Variants in ANO3 observed in about 807,000 individuals in gnomAD.
ANO3 encodes the protein anoctamin-3.
Under a neutral mutation model 144.8 loss-of-function variants are expected in ANO3, and 99 were observed. That is an observed-to-expected ratio of 0.68 (90% confidence interval 0.58 to 0.81). ANO3 has a LOEUF of 0.81. ANO3 is among the 30% of genes least tolerant of loss of function. The pLI, the probability that ANO3 is intolerant of heterozygous loss-of-function variation, is 0.00. For missense variants in ANO3, 905 were observed against 1,202.2 expected (o/e 0.75, Z 3.66); for synonymous variants, 414 against 392.6 (o/e 1.05, Z -0.64).
rs754759935 is a variant in ANO3, at chr11:26,534,582, A to G, written c.976+20A>G. 1.4e-5 allele frequency: 21 copies of G among 1,513,510 alleles called. No homozygotes were observed. The South Asian group carries it at 2.3e-4, about 16-fold the overall frequency. The allele number at this position is 1,513,510 out of a possible 1,614,324, so 93.8% of individuals were successfully genotyped here. A position where few individuals can be genotyped will look rare whatever the true frequency, so the allele number is the denominator to read the frequency against. On this transcript the variant is annotated intron_variant, in intron 9 of 26. Coordinates refer to ENST00000256737, the MANE Select transcript of ANO3 (RefSeq NM_031418.4). ...AAGTGGGTAAGAACATTAATTAATA[A>G]CAGAGTAGAACTTGCTGTTACTATT...
intron 14 of ANO3, among the ~76,000 whole-genome samples, chr11:26,576,508 T>C (rs979621819): frequency 2.0e-5 from 3 of 152,202 alleles, no homozygotes; most frequent in African/African-American, 7.2e-5. Context: ...ACATAGTAGT[T>C]ACTCAATGAA....
At position 26,402,259 on chromosome 11, in the gene ANO3, G is replaced by A. The variant is rs560566764; in HGVS notation, c.47-39659G>A. ...TGAACTAATTTATACTCCACCAACC[G>A]TCCATAAGCATTCCTTTTTCTCCAC... On this transcript the variant is annotated intron_variant, in intron 1 of 26. Transcript: ENST00000256737. 1.7e-4 allele frequency among the ~76,000 whole-genome samples: 26 copies of A among 152,036 alleles called. 1 individual carries two copies. In the South Asian group the frequency reaches 3.9e-3, roughly 23 times the overall value.
At chr11:26,235,985 G>A (rs961738754) in intron 1 of ANO3, among the ~76,000 whole-genome samples, 4 of 151,976 alleles carry the variant, frequency 2.6e-5, no homozygotes, top group African/African-American at 9.7e-5. Flanking sequence ...TTGCACAAAT[G>A]AGCAAAAATA....
intron 1 of ANO3, among the ~76,000 whole-genome samples, chr11:26,249,218 C>T (rs934157367): frequency 1.3e-5 from 2 of 152,052 alleles, no homozygotes; most frequent in East Asian, 1.9e-4. Flanking sequence ...AAACAAGACC[C>T]GCTTAATGTA....
chr11:26,297,582 T>C (rs1854122703), intron 1 of ANO3, among the ~76,000 whole-genome samples: 1 of 152,166 alleles, frequency 6.6e-6, no homozygotes, highest in East Asian at 1.9e-4. Flanking sequence ...TTCATTTTGT[T>C]CTCCCTTCAA....
At chr11:26,285,278 C>T (rs11824306) in intron 1 of ANO3, among the ~76,000 whole-genome samples, 9,101 of 152,080 alleles carry the variant, frequency 0.06, 496 homozygotes, top group African/African-American at 0.14. Flanking sequence ...TCATAATTTG[C>T]ATAATGGCAA....
intron 1 of ANO3, among the ~76,000 whole-genome samples, chr11:26,260,266 GAC>G (rs1312436827): frequency 5.9e-5 from 9 of 152,058 alleles, no homozygotes; most frequent in Non-Finnish European, 1.3e-4. Context: ...TTTCCCAACA[GAC>G]ACCAGAATGA....
intron 1 of ANO3, among the ~76,000 whole-genome samples, chr11:26,288,975 T>A (rs1853871802): frequency 1.3e-5 from 2 of 152,212 alleles, no homozygotes; most frequent in South Asian, 4.1e-4. Context: ...AGTTTCTGGA[T>A]AATGGATTTC....
At chr11:26,358,637 T>A (rs1307399283) in intron 1 of ANO3, among the ~76,000 whole-genome samples, 3 of 152,184 alleles carry the variant, frequency 2.0e-5, no homozygotes, top group Non-Finnish European at 4.4e-5. Flanking sequence ...CCTTCTTAAA[T>A]ATGTGGGTGT....
intron 4 of ANO3, among the ~76,000 whole-genome samples, chr11:26,485,845 T>C (rs1291821852): frequency 4.6e-5 from 7 of 151,752 alleles, no homozygotes; most frequent in Admixed American, 4.6e-4. Context: ...AAAGCAAAAA[T>C]AAACAAATGA....
intron 1 of ANO3, among the ~76,000 whole-genome samples, chr11:26,200,914 T>C (rs1005977182): frequency 1.3e-5 from 2 of 152,178 alleles, no homozygotes; most frequent in Non-Finnish European, 2.9e-5. Flanking sequence ...TTAACACCCC[T>C]CCACAAAAAT....
At chr11:26,423,855 A>G (rs1857833029) in intron 1 of ANO3, among the ~76,000 whole-genome samples, 1 of 152,012 alleles carries the variant, frequency 6.6e-6, no homozygotes, top group Non-Finnish European at 1.5e-5. Flanking sequence ...GGGCTTTGGA[A>G]TCTAATAGCT....
chr11:26,541,096 C>G (rs1013799410), intron 10 of ANO3, among the ~76,000 whole-genome samples: 1 of 152,142 alleles, frequency 6.6e-6, no homozygotes, highest in Non-Finnish European at 1.5e-5. Flanking sequence ...CACATATACA[C>G]CATGGAATAC....
intron 6 of ANO3, among the ~76,000 whole-genome samples, chr11:26,524,801 C>T (rs914601751): frequency 6.6e-6 from 1 of 152,178 alleles, no homozygotes; most frequent in Non-Finnish European, 1.5e-5. Flanking sequence ...TTACCATCCT[C>T]CACTCTTTTA....
In ANO3 at chr11:26,619,746, C is replaced by T. The variant is rs559900697; in HGVS notation, c.1837-4716C>T. Among the ~76,000 whole-genome samples, 25 of 152,268 alleles carry T rather than the reference C, an allele frequency of 1.6e-4. No homozygotes were observed. In the South Asian group the frequency reaches 1.9e-3, roughly 11 times the overall value. On this transcript the variant is annotated intron_variant, in intron 17 of 26. Transcript: ENST00000256737. ...CCTCCCAAAGTGCTGGGATTACAGG[C>T]GTGAGCCACTGCGCCCGGCCAAAAA... is the stretch of plus-strand genomic sequence containing the variant.
intron 4 of ANO3, among the ~76,000 whole-genome samples, chr11:26,493,301 G>C (rs1860787936): frequency 6.6e-6 from 1 of 152,136 alleles, no homozygotes; most frequent in South Asian, 2.1e-4. Flanking sequence ...TGGATTTCGT[G>C]AGATGTGATG....
At chr11:26,595,122 G>T (rs553979629) in intron 14 of ANO3, among the ~76,000 whole-genome samples, 1 of 152,284 alleles carries the variant, frequency 6.6e-6, no homozygotes, top group African/African-American at 2.4e-5. Context: ...CGTCCTCTAT[G>T]GTGTTAATGC....
intron 1 of ANO3, among the ~76,000 whole-genome samples, chr11:26,273,044 C>A (rs1460742580): frequency 6.6e-6 from 1 of 151,962 alleles, no homozygotes; most frequent in East Asian, 1.9e-4. Flanking sequence ...TAATGAAATA[C>A]CTATAAATAT....
intron 1 of ANO3, among the ~76,000 whole-genome samples, chr11:26,273,906 C>T (rs150506652): frequency 6.6e-6 from 1 of 152,160 alleles, no homozygotes; most frequent in Non-Finnish European, 1.5e-5. Flanking sequence ...CTATATAAAA[C>T]CTACTAATTC....
Sources: gnomAD v4.1 joint callset for allele counts (sites outside exome capture counted in the v4.1 genomes callset) on GRCh38, gnomAD v4.1.1 for gene constraint, MANE v1.5 for transcripts, NCBI Gene and HGNC (gene_info 2026-07-23, HGNC 2026-07-21) for gene names.